The following KCND3 variants were observed in gnomAD, a reference collection of about 807,000 sequenced individuals.
KCND3 encodes the protein A-type voltage-gated potassium channel KCND3.
In KCND3, 9 loss-of-function variants were observed where a neutral mutation model predicts 51.1. That is an observed-to-expected ratio of 0.18 (90% CI 0.11 to 0.31). The LOEUF (loss-of-function observed/expected upper bound fraction) is 0.31, where lower values mean the gene tolerates loss of function less well. Among genes scored for constraint, KCND3 ranks in the 10% least tolerant of loss-of-function variants. The pLI is 1.00. For missense variants in KCND3, 526 were observed against 903.8 expected (o/e 0.58, Z 5.36); for synonymous variants, 349 against 368.0 (o/e 0.95, Z 0.59).
rs1006931561 is a variant in KCND3 at position 111,963,591 on chromosome 1, C to T, written c.1106+18030G>A. On this transcript the variant is annotated intron_variant, in intron 2 of 7. Coordinates refer to ENST00000302127, the MANE Select transcript of KCND3 (RefSeq NM_001378969.1). Reference sequence around the variant, plus strand: ...GATTTTCCTGTCATTATTACCCTAACAGACAGTCCTGCCAAGGTCCCAATT... The same window carrying T: ...GATTTTCCTGTCATTATTACCCTAATAGACAGTCCTGCCAAGGTCCCAATT... Among the ~76,000 whole-genome samples, 6 of 152,342 alleles carry T rather than the reference C, an allele frequency of 3.9e-5. No homozygotes were observed. In the East Asian group the frequency reaches 9.6e-4, roughly 24 times the overall value.
intron 2 of KCND3, among the ~76,000 whole-genome samples, chr1:111,937,125 C>A (rs1672259677): frequency 6.6e-6 from 1 of 152,092 alleles, no homozygotes; most frequent in Non-Finnish European, 1.5e-5. Context: ...GGGTAAGTCC[C>A]AAGCTGGGCT....
intron 2 of KCND3, among the ~76,000 whole-genome samples, chr1:111,841,252 T>C (rs958479538): frequency 6.6e-6 from 1 of 152,220 alleles, no homozygotes; most frequent in African/African-American, 2.4e-5. Flanking sequence ...CGGCTTCCTC[T>C]GGCTCACAGA....
At chr1:111,785,297 C>T (rs78085520) in intron 3 of KCND3, among the ~76,000 whole-genome samples, 2,058 of 152,272 alleles carry the variant, frequency 0.014, 52 homozygotes, top group African/African-American at 0.048. Context: ...GGAAGGAGAT[C>T]CCAGTTTCTG....
chr1:111,859,012 T>A (rs1236143593), intron 2 of KCND3, among the ~76,000 whole-genome samples: 1 of 152,244 alleles, frequency 6.6e-6, no homozygotes, highest in Non-Finnish European at 1.5e-5. Flanking sequence ...GCTCTCTCAC[T>A]GGTCTCCATT....
chr1:111,837,963 G>T (rs1362792915), intron 2 of KCND3, among the ~76,000 whole-genome samples: 8 of 152,132 alleles, frequency 5.3e-5, no homozygotes, highest in Admixed American at 3.3e-4. Flanking sequence ...GACCACAGAG[G>T]TGCCGTTCTC....
At chr1:111,929,642 A>C (rs1217776026) in intron 2 of KCND3, among the ~76,000 whole-genome samples, 2 of 152,142 alleles carry the variant, frequency 1.3e-5, no homozygotes, top group Non-Finnish European at 2.9e-5. Flanking sequence ...CCCAGAAAAA[A>C]GTGTGTGAAG....
chr1:111,867,243 G>A (rs1571766098), intron 2 of KCND3, among the ~76,000 whole-genome samples: 1 of 152,312 alleles, frequency 6.6e-6, no homozygotes. Context: ...AGAAAACCCA[G>A]TGAGTTGAGG....
chr1:111,815,573 T>C (rs1008136029), intron 2 of KCND3, among the ~76,000 whole-genome samples: 5 of 150,420 alleles, frequency 3.3e-5, no homozygotes, highest in Non-Finnish European at 5.9e-5. Context: ...TCCTGTTAGG[T>C]TGGTTTAGCC....
At position 111,982,378 on chromosome 1, in the gene KCND3, C is replaced by T. The variant is rs1675003570; in HGVS notation, c.349G>A (p.Glu117Lys). Residue 117 changes from glutamate to lysine, a missense_variant, in exon 2 of 8, where the codon GAG becomes AAG. Physicochemically the swap from Glu to Lys is moderately conservative, Grantham distance 56 (BLOSUM62 1). This residue lies in a region of KCND3 where 159 missense variants were observed against 262.8 expected (regional missense o/e 0.61). Coordinates refer to ENST00000302127, the MANE Select transcript of KCND3 (RefSeq NM_001378969.1). The surrounding 1 kb of genome is among the most constrained non-coding windows in gnomAD (Gnocchi z 8.5). ...RYECISAYDD[E>K]LAFYGILPEI... is the part of the protein sequence containing the mutation. ...GGGAGGATGCCGTAGAAGGCCAGCT[C>T]GTCGTCGTAGGCAGAGATGCACTCG... 2 of 1,614,044 alleles carry T rather than the reference C, an allele frequency of 1.2e-6. No homozygotes were observed. Among genetic ancestry groups the T allele is most frequent in the Admixed American group, 1.7e-5 (1 of 60,008 alleles).
intron 2 of KCND3, among the ~76,000 whole-genome samples, chr1:111,834,613 C>T (rs12408697): frequency 3.9e-5 from 6 of 152,206 alleles, no homozygotes; most frequent in Admixed American, 1.3e-4. Flanking sequence ...AGGCTTTGAA[C>T]TTTTGCAATA....
rs1312071103 is a variant in KCND3 at position 111,793,226 on chromosome 1, A to G, written c.1107-6120T>C. Among the ~76,000 whole-genome samples, 11 of 143,786 alleles carry G rather than the reference A, an allele frequency of 7.7e-5. 1 individual carries two copies. In the East Asian group the frequency reaches 2.1e-3, roughly 27 times the overall value. The allele number at this position is 143,786 out of a possible 152,430, so 94.3% of individuals were successfully genotyped here. A position where few individuals can be genotyped will look rare whatever the true frequency, so the allele number is the denominator to read the frequency against. On this transcript the variant is annotated intron_variant, in intron 2 of 7. Transcript: ENST00000302127. ...AGTCTCGCTCTGTTTTCCAGGCTGG[A>G]GTGCAGTGGTGCGATCTCGGCTCAC...
intron 2 of KCND3, among the ~76,000 whole-genome samples, chr1:111,943,804 C>T (rs1306407463): frequency 6.6e-6 from 1 of 152,184 alleles, no homozygotes; most frequent in African/African-American, 2.4e-5. Context: ...GCATTATTCA[C>T]CCCATTTTAC....
chr1:111,916,442 C>T (rs1671221766), intron 2 of KCND3, among the ~76,000 whole-genome samples: 1 of 151,982 alleles, frequency 6.6e-6, no homozygotes, highest in Admixed American at 6.6e-5. Context: ...AAATTTATAG[C>T]ATTAAATGTT....
At chr1:111,843,358 T>C (rs1002218310) in intron 2 of KCND3, among the ~76,000 whole-genome samples, 11 of 152,218 alleles carry the variant, frequency 7.2e-5, no homozygotes, top group African/African-American at 2.4e-5. Context: ...TCCCTTGGCT[T>C]TTCCCCATGA....
In KCND3 at chr1:111,780,389, A is replaced by G; in HGVS notation, c.1372-75T>C. On this transcript the variant is annotated intron_variant, in intron 4 of 7. Coordinates refer to ENST00000302127, the MANE Select transcript of KCND3 (RefSeq NM_001378969.1). The surrounding 1 kb of genome is among the most constrained non-coding windows in gnomAD (Gnocchi z 4.2). ...TCTCCAGCTCCTTCATTTCTCCACTAAAGGTCAAAGGGCAATAGAATAATC... is the reference window on the plus strand; with the variant it reads ...TCTCCAGCTCCTTCATTTCTCCACTGAAGGTCAAAGGGCAATAGAATAATC... 7.5e-7 allele frequency: 1 copy of G among 1,330,332 alleles called. No homozygotes were observed. Among genetic ancestry groups the G allele is most frequent in the Admixed American group, 2.0e-5 (1 of 50,722 alleles). 82.4% of individuals were successfully genotyped at this position (1,330,332 alleles called of 1,614,324 possible).
At chr1:111,777,532 C>T (rs1235619571) in intron 6 of KCND3, among the ~76,000 whole-genome samples, 1 of 152,194 alleles carries the variant, frequency 6.6e-6, no homozygotes, top group Non-Finnish European at 1.5e-5. Context: ...GTGACATATA[C>T]TTCACCTACA....
chr1:111,854,812 C>T (rs1048234715), intron 2 of KCND3, among the ~76,000 whole-genome samples: 2 of 152,206 alleles, frequency 1.3e-5, no homozygotes, highest in African/African-American at 4.8e-5. Context: ...TGTGTTTCCC[C>T]ACTGGTTAGC....
chr1:111,871,783 G>C (rs532250087), intron 2 of KCND3, among the ~76,000 whole-genome samples: 16 of 152,270 alleles, frequency 1.1e-4, no homozygotes, highest in African/African-American at 3.9e-4. Context: ...AAATTTATAA[G>C]GTGGAGGAAA....
At chr1:111,870,116 A>G (rs1557989402) in intron 2 of KCND3, among the ~76,000 whole-genome samples, 1 of 152,248 alleles carries the variant, frequency 6.6e-6, no homozygotes. Context: ...TGGCCCTATG[A>G]AGTAAGCATA....
Sources: allele counts gnomAD v4.1 joint callset (sites outside exome capture counted in the v4.1 genomes callset), GRCh38; gene constraint gnomAD v4.1.1; regional missense constraint gnomAD v4.1.1; non-coding constraint Gnocchi (gnomAD v3.1); transcripts MANE v1.5; gene names NCBI Gene and HGNC (gene_info 2026-07-23, HGNC 2026-07-21).